COL5A1: variants seen among roughly 807,000 people sequenced by gnomAD.
The protein encoded by COL5A1 is collagen type V alpha 1 chain, also known as collagen alpha-1(V) chain.
In COL5A1, 16 loss-of-function variants were observed where a neutral mutation model predicts 263.7. The ratio of observed to expected loss-of-function variants is 0.06; its 90% confidence interval spans 0.04 to 0.09. The LOEUF (loss-of-function observed/expected upper bound fraction) is 0.09. Ranked by LOEUF, COL5A1 falls within the 10% of genes least tolerant of loss-of-function variation. The pLI is 1.00. For synonymous variants in COL5A1, 1,012 were observed against 1,004.5 expected (o/e 1.01, Z -0.14); for missense variants, 2,036 against 2,540.5 (o/e 0.80, Z 4.27).
At chr9:134,738,569 G>C (rs1229412690) in intron 10 of COL5A1, 54 bp downstream of exon 10, 12 of 1,601,388 alleles carry the variant, frequency 7.5e-6, no homozygotes, top group Non-Finnish European at 1.0e-5. Flanking sequence ...GGTGGGGTGG[G>C]GTTGGTGACA....
intron 35 of COL5A1, among the ~76,000 whole-genome samples, chr9:134,796,643 G>A (rs549856389): frequency 3.9e-5 from 6 of 152,308 alleles, no homozygotes; most frequent in Admixed American, 1.3e-4. Flanking sequence ...GGGAGTGGCC[G>A]AGATGACAGG....
At chr9:134,840,654 C>A (rs1428967513) in intron 65 of COL5A1, among the ~76,000 whole-genome samples, 1 of 152,190 alleles carries the variant, frequency 6.6e-6, no homozygotes, top group Non-Finnish European at 1.5e-5. Flanking sequence ...AGCTGCGTGG[C>A]TCATAAGCAA....
Position 134,761,966 on chromosome 9 carries a change from C to A in COL5A1, c.1977C>A (p.Asp659Glu), listed in dbSNP as rs370766020. 2.2e-5 allele frequency: 36 copies of A among 1,613,388 alleles called. No individual in the cohort carries two copies. Among genetic ancestry groups the A allele is most frequent in the Middle Eastern group, 3.3e-4 (2 of 6,082 alleles). ...CCGGCCCACCAGGACCTCCGGGAGA[C>A]GATGGAGAAAGGGTAGGTATTCTGC... ...GPSGPPGPPG[D>E]DGERGDDGEV... The change falls in exon 19 of 66, where the codon GAC (aspartate) becomes GAA (glutamate). Residue 659 changes from aspartate to glutamate, a missense_variant. Physicochemically the swap from Asp to Glu is conservative, Grantham distance 45. Coordinates refer to ENST00000371817, the MANE Select transcript of COL5A1 (RefSeq NM_000093.5).
intron 1 of COL5A1, among the ~76,000 whole-genome samples, chr9:134,655,490 T>C (rs568093541): frequency 6.6e-6 from 1 of 152,188 alleles, no homozygotes; most frequent in African/African-American, 2.4e-5. Context: ...GTGCCTCAGT[T>C]TCCCCATCTG....
At chr9:134,761,810 C>G in intron 18 of COL5A1, 115 bp from the exon 19 acceptor site, 1 of 1,080,932 alleles carries the variant, frequency 9.3e-7, no homozygotes, top group Non-Finnish European at 1.4e-6. Flanking sequence ...CTGGAAGGGT[C>G]TTTTGAGAGC....
At chr9:134,839,306 C>G (rs554202328) in intron 65 of COL5A1, among the ~76,000 whole-genome samples, 12 of 152,308 alleles carry the variant, frequency 7.9e-5, no homozygotes, top group African/African-American at 2.6e-4. Context: ...TATTTATACC[C>G]CTGGAATAAC....
rs775559638 is a variant in COL5A1 at position 134,809,219 on chromosome 9, G to A, written c.3403G>A (p.Gly1135Ser). ...CCCACAAGGCCCAGCTGGCCGAGACGGTCTCCAGGGGCCTGTGGGGCTCCC... is the reference window on the plus strand; with the variant it reads ...CCCACAAGGCCCAGCTGGCCGAGACAGTCTCCAGGGGCCTGTGGGGCTCCC... ...KGPQGPAGRD[G>S]LQGPVGLPGP... Residue 1135 changes from glycine to serine, a missense_variant, in exon 43 of 66, where the codon GGT becomes AGT. Physicochemically the swap from Gly to Ser is moderately conservative, Grantham distance 56 (BLOSUM62 0). This residue lies in a region of COL5A1 where 1,078 missense variants were observed against 1,521.4 expected (regional missense o/e 0.71). Coordinates refer to ENST00000371817, the MANE Select transcript of COL5A1 (RefSeq NM_000093.5). 5.0e-6 allele frequency: 8 copies of A among 1,602,334 alleles called. No homozygotes were observed. The highest frequency in any genetic ancestry group is 2.3e-5 in the South Asian group (2 of 88,810).
At chr9:134,705,341 G>A (rs895644008) in intron 4 of COL5A1, among the ~76,000 whole-genome samples, 2 of 152,260 alleles carry the variant, frequency 1.3e-5, no homozygotes, top group African/African-American at 4.8e-5. Context: ...GCCTGAGTGT[G>A]TGGCTTTGGC....
intron 28 of COL5A1, 106 bp downstream of exon 28, chr9:134,780,252 A>C: frequency 9.1e-7 from 1 of 1,099,488 alleles, no homozygotes; most frequent in Non-Finnish European, 1.4e-6. Flanking sequence ...GCTGAGGTGG[A>C]TGTCGCCTCT....
At chr9:134,795,850 G>C (rs942983062) in intron 34 of COL5A1, among the ~76,000 whole-genome samples, 2 of 152,252 alleles carry the variant, frequency 1.3e-5, no homozygotes, top group African/African-American at 4.8e-5. Context: ...TCCAGAGCGG[G>C]TTCCTGCTGG....
intron 25 of COL5A1, among the ~76,000 whole-genome samples, chr9:134,772,443 C>T (rs532623121): frequency 1.3e-5 from 2 of 152,368 alleles, no homozygotes; most frequent in East Asian, 1.9e-4. Flanking sequence ...CACTGGAGGG[C>T]GGGCTGGCTC....
At chr9:134,812,044 C>A (rs1838543521) in intron 46 of COL5A1, among the ~76,000 whole-genome samples, 1 of 152,204 alleles carries the variant, frequency 6.6e-6, no homozygotes, top group Admixed American at 6.5e-5. Flanking sequence ...CATTTTCCAT[C>A]CTCCATTCCC....
intron 27 of COL5A1, among the ~76,000 whole-genome samples, chr9:134,778,293 C>T (rs1490669598): frequency 6.6e-6 from 1 of 152,248 alleles, no homozygotes; most frequent in Non-Finnish European, 1.5e-5. Flanking sequence ...CCAGCTGAGT[C>T]ACTTCTCACC....
chr9:134,738,693 C>T (rs1835191651), intron 10 of COL5A1, 53 bp from the exon 11 acceptor site: 1 of 1,488,888 alleles, frequency 6.7e-7, no homozygotes, highest in African/African-American at 1.4e-5. Context: ...GGAACTTGGA[C>T]CTTGCCCTGC....
rs1832876880 is a variant in COL5A1, at chr9:134,682,097, TC to T, written c.110-8814del. On this transcript the variant is annotated intron_variant, in intron 1 of 65. Transcript: ENST00000371817. This position sits in a 1 kb window ranked among gnomAD's most constrained non-coding sequence, Gnocchi z 5.1. ...ACATTTGGCAGGACGTGGCCTGGGC[TC>T]AGTGTCTGGGACCGTGGTGCTGAGT... is the stretch of plus-strand genomic sequence containing the variant. 6.6e-6 allele frequency among the ~76,000 whole-genome samples: 1 copy of T among 152,176 alleles called. No individual in the cohort carries two copies. Among genetic ancestry groups the T allele is most frequent in the African/African-American group, 2.4e-5 (1 of 41,446 alleles).
chr9:134,814,036 G>A lies in COL5A1; in HGVS notation c.3906G>A (p.Pro1302=). The A allele has an allele frequency of 1.3e-6, 2 of 1,550,742 alleles. No individual in the cohort carries two copies. Among genetic ancestry groups the A allele is most frequent in the Non-Finnish European group, 1.7e-6 (2 of 1,146,976 alleles). ...GCCTTCCGGGAGAAGGCGGCCCCCC[G>A]GTGAGTGAGCGGGCGCTGCGGGAGG... ...EPGLPGEGGP[P]GPKGERGEKG... is the part of the protein sequence containing the mutation. Residue 1302 remains proline (P), a splice_region_variant and synonymous_variant, in exon 49 of 66, where the codon CCG becomes CCA. Coordinates refer to ENST00000371817, the MANE Select transcript of COL5A1 (RefSeq NM_000093.5).
At chr9:134,810,509 G>A (rs1315923182) in intron 44 of COL5A1, 1 of 589,824 alleles carries the variant, frequency 1.7e-6, no homozygotes, top group Admixed American at 3.1e-5. Flanking sequence ...GTCTCTCTGT[G>A]TTAGAATGAA....
At chr9:134,763,940 G>A (rs1029674363) in intron 20 of COL5A1, among the ~76,000 whole-genome samples, 3 of 151,234 alleles carry the variant, frequency 2.0e-5, no homozygotes, top group Non-Finnish European at 4.4e-5. Flanking sequence ...CCAGGAGGAA[G>A]TCTGAGCCTG....
At chr9:134,708,947 C>T (rs1170416978) in intron 4 of COL5A1, 1 of 456,660 alleles carries the variant, frequency 2.2e-6, no homozygotes, top group East Asian at 7.0e-5. Context: ...GCTTCTGCCT[C>T]CGTCTTTACA....
Sources: gnomAD v4.1 joint callset for allele counts (sites outside exome capture counted in the v4.1 genomes callset) on GRCh38, gnomAD v4.1.1 for gene constraint, gnomAD v4.1.1 regional missense constraint, Gnocchi (gnomAD v3.1) non-coding constraint, MANE v1.5 for transcripts, NCBI Gene and HGNC (gene_info 2026-07-23, HGNC 2026-07-21) for gene names.